Variants in GDA observed in about 807,000 individuals in gnomAD.
GDA encodes cytoplasmic PSD-95 interactor.
A neutral mutation model predicts 59.6 loss-of-function variants in GDA; 18 were observed. The ratio of observed to expected loss-of-function variants is 0.30; its 90% confidence interval spans 0.21 to 0.45. The LOEUF (loss-of-function observed/expected upper bound fraction) is 0.45. Ranked by LOEUF, GDA falls within the 20% of genes least tolerant of loss-of-function variation. GDA has a pLI of 1.00. For missense variants in GDA, 427 were observed against 552.3 expected, an observed-to-expected ratio of 0.77 and a Z score of 2.27; for synonymous variants, 201 against 201.1, an observed-to-expected ratio of 1.00 and a Z score of 0.00.
rs2131270349 is a variant in GDA, at chr9:72,195,526, A to G, written c.150A>G (p.Gln50=). 3.8e-6 allele frequency: 6 copies of G among 1,565,094 alleles called. No homozygotes were observed. Among genetic ancestry groups the G allele is most frequent in the Non-Finnish European group, 5.3e-6 (6 of 1,141,842 alleles). ...TAGTGTTTTTAGAAGAAGCATCTCA[A>G]CAGGAAAAACTGGCCAAAGAATGGT... ...GKIVFLEEAS[Q]QEKLAKEWCF... The change falls in exon 2 of 14, where the codon CAA becomes CAG. Residue 50 remains glutamine, a synonymous_variant. Coordinates refer to ENST00000358399, the MANE Select transcript of GDA (RefSeq NM_004293.5).
intron 8 of GDA, among the ~76,000 whole-genome samples, chr9:72,227,481 C>A (rs1048832147): frequency 6.7e-6 from 1 of 149,842 alleles, no homozygotes; most frequent in African/African-American, 2.5e-5. Context: ...ATTACTCTCA[C>A]AGCTTTCACA....
chr9:72,145,483 C>T (rs1204123783), upstream of GDA, among the ~76,000 whole-genome samples: 2 of 152,140 alleles, frequency 1.3e-5, no homozygotes. Flanking sequence ...TTGAGAGGCT[C>T]AAAATTAGAT....
At chr9:72,140,148 TATA>T (rs908577011) in intron 1 of GDA, among the ~76,000 whole-genome samples, 6 of 152,232 alleles carry the variant, frequency 3.9e-5, no homozygotes, top group African/African-American at 1.4e-4. Flanking sequence ...TTGCCCCGGC[TATA>T]ATGCTTTTGT....
rs557433436 is a variant in GDA at position 72,160,910 on chromosome 9, A to T, written c.123+11228A>T. On this transcript the variant is annotated intron_variant, in intron 1 of 13. Coordinates refer to ENST00000358399, the MANE Select transcript of GDA (RefSeq NM_004293.5). ...GACTAAATTTAGGTGTTACCTCCTC[A>T]ATGAGGTCATTGCTGACATAGCTTC... 2.0e-5 allele frequency among the ~76,000 whole-genome samples: 3 copies of T among 152,204 alleles called. No individual in the cohort carries two copies. The East Asian group carries it at 5.8e-4, about 29-fold the overall frequency.
intron 1 of GDA, among the ~76,000 whole-genome samples, chr9:72,118,493 T>C (rs1825547867): frequency 6.6e-6 from 1 of 152,166 alleles, no homozygotes; most frequent in Non-Finnish European, 1.5e-5. Flanking sequence ...TATCACGATA[T>C]TGATTATTTC....
chr9:72,160,771 C>T (rs777253814), intron 1 of GDA, among the ~76,000 whole-genome samples: 2 of 152,208 alleles, frequency 1.3e-5, no homozygotes, highest in Non-Finnish European at 2.9e-5. Flanking sequence ...GTGTGATAAA[C>T]CCAGGCCTGG....
intron 1 of GDA, among the ~76,000 whole-genome samples, chr9:72,180,075 C>T (rs535377283): frequency 3.3e-5 from 5 of 151,760 alleles, no homozygotes; most frequent in Non-Finnish European, 7.4e-5. Flanking sequence ...TTAAAAATGG[C>T]CATCCGGGCG....
At position 72,135,841 on chromosome 9, in the gene GDA, C is replaced by T. The variant is rs114762360; in HGVS notation, c.-100+21008C>T. 5.8e-3 allele frequency among the ~76,000 whole-genome samples: 876 copies of T among 151,940 alleles called. 13 individuals carry two copies. The highest frequency in any genetic ancestry group is 0.02 in the African/African-American group (839 of 41,466). The stretch of plus-strand genomic sequence containing the variant: ...GGCCGGGCTGCTCTTGAACTCCTGA[C>T]GTCAGGTGATTGACCCTCCTTGGCC... On this transcript the variant is annotated intron_variant, in intron 1 of 13. Transcript: ENST00000545168.
At chr9:72,233,489 T>C (rs369912889) in intron 10 of GDA, among the ~76,000 whole-genome samples, 22 of 152,266 alleles carry the variant, frequency 1.4e-4, no homozygotes, top group African/African-American at 5.1e-4. Context: ...AAAAAGCACA[T>C]AGACTCTCAT....
chr9:72,210,664 C>T (rs530453363), intron 3 of GDA, 23 bp from the exon 4 acceptor site: 73 of 1,377,748 alleles, frequency 5.3e-5, no homozygotes, highest in East Asian at 3.0e-4. Context: ...ACGTGATTCG[C>T]GGTTTTTGTG....
intron 1 of GDA, among the ~76,000 whole-genome samples, chr9:72,193,536 GTGGCCACAATCACCCTTA>G (rs1326923728): frequency 6.6e-6 from 1 of 152,248 alleles, no homozygotes; most frequent in Non-Finnish European, 1.5e-5. Flanking sequence ...AAGCACCCTT[GTGGCCACAATCACCCTTA>G]TGGCCACAAT....
At chr9:72,130,808 G>A (rs1826001070) in intron 1 of GDA, among the ~76,000 whole-genome samples, 1 of 151,692 alleles carries the variant, frequency 6.6e-6, no homozygotes, top group Non-Finnish European at 1.5e-5. Flanking sequence ...TTAGGTAAAG[G>A]ATATGGGGAA....
chr9:72,123,130 C>T (rs1375814475), intron 1 of GDA, among the ~76,000 whole-genome samples: 1 of 151,858 alleles, frequency 6.6e-6, no homozygotes, highest in African/African-American at 2.4e-5. Flanking sequence ...TGCTTATCTC[C>T]CCATGATCGA....
At chr9:72,218,979 A>T (rs1836499596) in intron 5 of GDA, among the ~76,000 whole-genome samples, 1 of 152,242 alleles carries the variant, frequency 6.6e-6, no homozygotes, top group Non-Finnish European at 1.5e-5. Flanking sequence ...CTCTGGCTGC[A>T]AGTAAAAAAG....
chr9:72,136,907 G>A (rs553283033), intron 1 of GDA, among the ~76,000 whole-genome samples: 16 of 152,160 alleles, frequency 1.1e-4, no homozygotes, highest in Admixed American at 4.6e-4. Context: ...CCCAGGAGGC[G>A]GAACTTGCAG....
intron 1 of GDA, among the ~76,000 whole-genome samples, chr9:72,120,572 G>A (rs1286914270): frequency 1.3e-5 from 2 of 152,066 alleles, no homozygotes; most frequent in Admixed American, 1.3e-4. Flanking sequence ...GAAGCAGTGG[G>A]GTCTTTTCTT....
chr9:72,170,000 A>C (rs1182057210), intron 1 of GDA, among the ~76,000 whole-genome samples: 1 of 152,216 alleles, frequency 6.6e-6, no homozygotes, highest in Non-Finnish European at 1.5e-5. Context: ...TATTCCATAC[A>C]TCTGTGTCCC....
chr9:72,186,909 C>T (rs879305965), intron 1 of GDA, among the ~76,000 whole-genome samples: 11 of 152,202 alleles, frequency 7.2e-5, no homozygotes, highest in Non-Finnish European at 1.6e-4. Context: ...CCCACAGGGC[C>T]ATTGCACTTC....
chr9:72,139,927 A>C (rs1311804933), intron 1 of GDA, among the ~76,000 whole-genome samples: 1 of 152,160 alleles, frequency 6.6e-6, no homozygotes, highest in Non-Finnish European at 1.5e-5. Context: ...AGTTGTAGGT[A>C]ACTTTTAATC....
Sources: gnomAD v4.1 joint callset for allele counts (sites outside exome capture counted in the v4.1 genomes callset) on GRCh38, gnomAD v4.1.1 for gene constraint, MANE v1.5 for transcripts, NCBI Gene and HGNC (gene_info 2026-07-23, HGNC 2026-07-21) for gene names.